DNAAF11: variants seen among roughly 807,000 people sequenced by gnomAD.
DNAAF11 encodes the protein leucine rich repeat containing 6.
DNAAF11 carries 45 observed loss-of-function variants against 60.8 expected under a neutral mutation model. The ratio of observed to expected loss-of-function variants is 0.74; its 90% confidence interval spans 0.58 to 0.95. The LOEUF is 0.95. Among genes scored for constraint, DNAAF11 ranks in the 40% least tolerant of loss-of-function variants. The pLI is 0.00. For missense variants in DNAAF11, 546 were observed against 546.2 expected (o/e 1.00, Z 0.00); for synonymous variants, 191 against 183.5 (o/e 1.04, Z -0.33).
intron 1 of DNAAF11, among the ~76,000 whole-genome samples, chr8:132,672,835 G>T (rs181776453): frequency 6.6e-6 from 1 of 152,162 alleles, no homozygotes; most frequent in African/African-American, 2.4e-5. Flanking sequence ...TAGGTTCGAC[G>T]TCTCTCCTGA....
the DNAAF11 span, among the ~76,000 whole-genome samples, chr8:132,700,980 G>A: frequency 6.6e-6 from 1 of 152,180 alleles, no homozygotes; most frequent in East Asian, 1.9e-4. Context: ...AGAAGTTCAA[G>A]ATCGAGGGGT....
chr8:132,621,198 G>A (rs1180017778), intron 7 of DNAAF11, among the ~76,000 whole-genome samples: 1 of 152,208 alleles, frequency 6.6e-6, no homozygotes, highest in Non-Finnish European at 1.5e-5. Context: ...TGTATGTGGT[G>A]AGGAAGAACA....
chr8:132,693,341 C>G, the DNAAF11 span, among the ~76,000 whole-genome samples: 1 of 152,052 alleles, frequency 6.6e-6, no homozygotes, highest in African/African-American at 2.4e-5. Flanking sequence ...TTGCTTTATT[C>G]AACAAATATA....
intron 10 of DNAAF11, among the ~76,000 whole-genome samples, chr8:132,595,761 A>G (rs1816949302): frequency 6.6e-6 from 1 of 152,220 alleles, no homozygotes; most frequent in African/African-American, 2.4e-5. Context: ...ATTTTAAAAC[A>G]CAACTATAAA....
chr8:132,581,452 C>T (rs1282839427), intron 11 of DNAAF11, among the ~76,000 whole-genome samples: 1 of 151,944 alleles, frequency 6.6e-6, no homozygotes, highest in East Asian at 1.9e-4. Context: ...GAATTTGAGA[C>T]CAGCCTGGCC....
At chr8:132,697,937 G>C in the DNAAF11 span, among the ~76,000 whole-genome samples, 1 of 152,128 alleles carries the variant, frequency 6.6e-6, no homozygotes, top group African/African-American at 2.4e-5. Context: ...GATACAATAA[G>C]AATGGGACAG....
chr8:132,586,508 T>C (rs144395445), intron 10 of DNAAF11, among the ~76,000 whole-genome samples: 2,734 of 152,324 alleles, frequency 0.018, 36 homozygotes, highest in Middle Eastern at 0.051. Flanking sequence ...GCCGGGATTC[T>C]TCTTCAGGTG....
In DNAAF11 at chr8:132,648,214, C is replaced by T. The variant is rs187039408; in HGVS notation, c.256+8616G>A. ...GCAAGGCTGGTTCAACATATGCAAA[C>T]CGATAAATATAATCCAGCATATAAA... is the stretch of plus-strand genomic sequence containing the variant. On this transcript the variant is annotated intron_variant, in intron 3 of 11. Coordinates refer to ENST00000620350, the MANE Select transcript of DNAAF11 (RefSeq NM_012472.6). Among the ~76,000 whole-genome samples, 558 of 152,148 alleles carry T rather than the reference C, an allele frequency of 3.7e-3. 3 individuals carry two copies. The highest frequency in any genetic ancestry group is 0.013 in the African/African-American group (525 of 41,528).
At chr8:132,623,985 T>C (rs987545511) in intron 6 of DNAAF11, among the ~76,000 whole-genome samples, 1 of 152,112 alleles carries the variant, frequency 6.6e-6, no homozygotes, top group Non-Finnish European at 1.5e-5. Flanking sequence ...GTCCAAAACA[T>C]AGTGACTCAG....
intron 7 of DNAAF11, among the ~76,000 whole-genome samples, chr8:132,622,231 G>C (rs1819834221): frequency 6.6e-6 from 1 of 152,156 alleles, no homozygotes; most frequent in African/African-American, 2.4e-5. Flanking sequence ...GTATAAAGTA[G>C]ATGTATAGAA....
chr8:132,630,883 T>C (rs1820730196), intron 5 of DNAAF11, among the ~76,000 whole-genome samples: 1 of 152,200 alleles, frequency 6.6e-6, no homozygotes, highest in African/African-American at 2.4e-5. Flanking sequence ...AATATCATAT[T>C]ATCCAGTATT....
intron 1 of DNAAF11, among the ~76,000 whole-genome samples, chr8:132,674,687 G>C (rs1006584624): frequency 6.6e-6 from 1 of 152,140 alleles, no homozygotes; most frequent in Non-Finnish European, 1.5e-5. Context: ...TCAGGAGTTC[G>C]AGACCAGCCT....
At chr8:132,659,749 G>A (rs775644879) in intron 2 of DNAAF11, among the ~76,000 whole-genome samples, 4 of 151,994 alleles carry the variant, frequency 2.6e-5, no homozygotes, top group Non-Finnish European at 4.4e-5. Flanking sequence ...AATTATCCAC[G>A]AAACTAGAAG....
intron 10 of DNAAF11, among the ~76,000 whole-genome samples, chr8:132,609,266 A>G (rs952820412): frequency 8.5e-5 from 13 of 152,130 alleles, no homozygotes; most frequent in Admixed American, 2.6e-4. Context: ...GTACACTTTA[A>G]ATCACCTCCA....
intron 7 of DNAAF11, among the ~76,000 whole-genome samples, chr8:132,616,977 C>G (rs1433484759): frequency 1.3e-5 from 2 of 152,098 alleles, no homozygotes; most frequent in Non-Finnish European, 2.9e-5. Context: ...AAGGAGGCAA[C>G]AGTGGGCATT....
At chr8:132,644,370 T>G (rs1822151944) in intron 3 of DNAAF11, among the ~76,000 whole-genome samples, 1 of 152,150 alleles carries the variant, frequency 6.6e-6, no homozygotes, top group Non-Finnish European at 1.5e-5. Flanking sequence ...AGGAGGAGGT[T>G]TCAAGACGGC....
chr8:132,638,413 A>C (rs1247543302), intron 3 of DNAAF11, among the ~76,000 whole-genome samples: 1 of 152,198 alleles, frequency 6.6e-6, no homozygotes, highest in South Asian at 2.1e-4. Context: ...CTGGCATGAA[A>C]AAAGGAAAAG....
At chr8:132,687,820 T>C in the DNAAF11 span, among the ~76,000 whole-genome samples, 1 of 152,166 alleles carries the variant, frequency 6.6e-6, no homozygotes. Context: ...TGTATGGTAA[T>C]TTACCACAGA....
intron 4 of DNAAF11, among the ~76,000 whole-genome samples, chr8:132,636,905 A>G (rs923546361): frequency 6.6e-6 from 1 of 152,236 alleles, no homozygotes; most frequent in Non-Finnish European, 1.5e-5. Flanking sequence ...CAGAGAACAC[A>G]GAAGTCTAAG....
Sources: gnomAD v4.1 joint callset for allele counts (sites outside exome capture counted in the v4.1 genomes callset) on GRCh38, gnomAD v4.1.1 for gene constraint, MANE v1.5 for transcripts, NCBI Gene and HGNC (gene_info 2026-07-23, HGNC 2026-07-21) for gene names.